FNDC3B: variants seen among roughly 807,000 people sequenced by gnomAD.
FNDC3B encodes the protein fibronectin type III domain containing 3B.
Under a neutral mutation model 151.5 loss-of-function variants are expected in FNDC3B, and 12 were observed. The observed-to-expected ratio is 0.08, with a 90% CI of 0.05 to 0.13. The LOEUF (loss-of-function observed/expected upper bound fraction) is 0.13, where lower values mean the gene tolerates loss of function less well. Among genes scored for constraint, FNDC3B ranks in the 10% least tolerant of loss-of-function variants. The pLI is 1.00. For missense variants in FNDC3B, 1,214 were observed against 1,505.3 expected (o/e 0.81, Z 3.20); for synonymous variants, 528 against 549.0 (o/e 0.96, Z 0.54).
chr3:172,183,600 G>A (rs1380892670), intron 3 of FNDC3B, among the ~76,000 whole-genome samples: 3 of 152,178 alleles, frequency 2.0e-5, no homozygotes, highest in Admixed American at 1.3e-4. Flanking sequence ...TCAGTCTTCT[G>A]AGACATTTCA....
chr3:172,224,853 A>T (rs1329371660), intron 3 of FNDC3B, among the ~76,000 whole-genome samples: 2 of 152,216 alleles, frequency 1.3e-5, no homozygotes, highest in Non-Finnish European at 1.5e-5. Flanking sequence ...AGAAACACAT[A>T]GTTTTCTATT....
rs185537382 is a variant in FNDC3B at position 172,245,794 on chromosome 3, T to C, written c.265-1739T>C. Among the ~76,000 whole-genome samples, 18 of 152,324 alleles carry C rather than the reference T, an allele frequency of 1.2e-4. 1 individual carries two copies. The East Asian group carries it at 1.7e-3, about 15-fold the overall frequency. On this transcript the variant is annotated intron_variant, in intron 4 of 25. Coordinates refer to ENST00000415807, the MANE Select transcript of FNDC3B (RefSeq NM_022763.4). ...CAGAAGAGATTATATTTATTAAAGA[T>C]CACATGAAAAGCTGTGTCCTAGGCA... is the stretch of plus-strand genomic sequence containing the variant.
At chr3:172,078,044 A>T (rs1332616638) in intron 1 of FNDC3B, among the ~76,000 whole-genome samples, 1 of 152,036 alleles carries the variant, frequency 6.6e-6, no homozygotes, top group African/African-American at 2.4e-5. Flanking sequence ...TGTAGGGGCC[A>T]ATCTCTGCTC....
chr3:172,127,013 T>C (rs1358557198), intron 2 of FNDC3B: 1 of 456,666 alleles, frequency 2.2e-6, no homozygotes, highest in South Asian at 1.5e-5. Context: ...AGGTGAGCCC[T>C]TAAGGAGAGC....
At chr3:172,210,968 TG>T (rs1576801494) in intron 3 of FNDC3B, among the ~76,000 whole-genome samples, 2 of 152,238 alleles carry the variant, frequency 1.3e-5, no homozygotes, top group Admixed American at 1.3e-4. Context: ...TTGCAAAAGT[TG>T]GGATTGAAAA....
intron 1 of FNDC3B, among the ~76,000 whole-genome samples, chr3:172,064,394 C>A (rs996410070): frequency 2.6e-5 from 4 of 152,080 alleles, no homozygotes; most frequent in Non-Finnish European, 5.9e-5. Flanking sequence ...CCCATAATGA[C>A]CCGTTTTATA....
chr3:172,313,152 C>T (rs1210597064), intron 11 of FNDC3B, among the ~76,000 whole-genome samples: 1 of 149,512 alleles, frequency 6.7e-6, no homozygotes, highest in African/African-American at 2.6e-5. Context: ...TTAATCGACT[C>T]TCATCCACCA....
Position 172,337,600 on chromosome 3 carries a change from A to T in FNDC3B, c.1852+199A>T, listed in dbSNP as rs183021893. On this transcript the variant is annotated intron_variant, in intron 16 of 25. Coordinates refer to ENST00000415807, the MANE Select transcript of FNDC3B (RefSeq NM_022763.4). ...AGAGATCAGAGTCTACTTGAAACTT[A>T]CATTTGTGTTATTTAACAATTTTTC... is the stretch of plus-strand genomic sequence containing the variant. 3.4e-4 allele frequency: 163 copies of T among 484,936 alleles called. No individual in the cohort carries two copies. The East Asian group carries it at 5.3e-3, about 16-fold the overall frequency. The allele number at this position is 484,936 out of a possible 1,614,324, so 30.0% of individuals were successfully genotyped here.
intron 2 of FNDC3B, among the ~76,000 whole-genome samples, chr3:172,127,501 A>G (rs186280521): frequency 1.3e-5 from 2 of 152,250 alleles, no homozygotes; most frequent in Non-Finnish European, 2.9e-5. Flanking sequence ...TCTAGTTACT[A>G]TCTACCTGGC....
At chr3:172,162,572 A>G (rs1431585877) in intron 3 of FNDC3B, among the ~76,000 whole-genome samples, 1 of 152,130 alleles carries the variant, frequency 6.6e-6, no homozygotes, top group East Asian at 1.9e-4. Flanking sequence ...ACTGTTTCCA[A>G]AGCAGCTGTA....
chr3:172,133,400 T>G, intron 2 of FNDC3B, 71 bp from the exon 3 acceptor site: 1 of 1,171,560 alleles, frequency 8.5e-7, no homozygotes, highest in Admixed American at 1.9e-5. Flanking sequence ...AGTATATAAA[T>G]TTAGGTAATA....
At chr3:172,226,745 C>T (rs1726603562) in intron 3 of FNDC3B, 126 bp from the exon 4 acceptor site, 2 of 604,976 alleles carry the variant, frequency 3.3e-6, no homozygotes, top group African/African-American at 1.8e-5. Context: ...CAATATATAC[C>T]AACTTTTGAA....
chr3:172,374,168 A>T (rs1282444709), intron 23 of FNDC3B, among the ~76,000 whole-genome samples: 1 of 152,312 alleles, frequency 6.6e-6, no homozygotes, highest in East Asian at 1.9e-4. Context: ...CCCACAGCTC[A>T]TGTCTGAGGC....
intron 25 of FNDC3B, among the ~76,000 whole-genome samples, chr3:172,389,825 C>T (rs1326981054): frequency 1.3e-5 from 2 of 152,128 alleles, no homozygotes; most frequent in Non-Finnish European, 2.9e-5. Flanking sequence ...AAGATCAAGC[C>T]ACTGCACTCC....
chr3:172,054,972 G>T (rs1457297466), intron 1 of FNDC3B, among the ~76,000 whole-genome samples: 1 of 152,214 alleles, frequency 6.6e-6, no homozygotes. Context: ...AGGAGGAATA[G>T]ATTGTAATTT....
At chr3:172,193,693 T>C (rs1213445719) in intron 3 of FNDC3B, among the ~76,000 whole-genome samples, 1 of 151,920 alleles carries the variant, frequency 6.6e-6, no homozygotes, top group South Asian at 2.1e-4. Flanking sequence ...TCCTCCTCCT[T>C]GTGCTTGTAC....
At chr3:172,089,521 T>C (rs1397907010) in intron 1 of FNDC3B, among the ~76,000 whole-genome samples, 3 of 152,172 alleles carry the variant, frequency 2.0e-5, no homozygotes, top group African/African-American at 4.8e-5. Context: ...ACACATACCA[T>C]GCACAAATCG....
At chr3:172,231,031 T>C (rs1726862448) in intron 4 of FNDC3B, among the ~76,000 whole-genome samples, 1 of 152,218 alleles carries the variant, frequency 6.6e-6, no homozygotes, top group Non-Finnish European at 1.5e-5. Context: ...TTATTCATAA[T>C]AGCCCCAAAG....
chr3:172,131,736 T>C (rs1350887299), intron 2 of FNDC3B, among the ~76,000 whole-genome samples: 2 of 152,174 alleles, frequency 1.3e-5, no homozygotes, highest in East Asian at 1.9e-4. Flanking sequence ...ATATTAAAGA[T>C]TGAGTATTTA....
Sources: gnomAD v4.1 joint callset for allele counts (sites outside exome capture counted in the v4.1 genomes callset) on GRCh38, gnomAD v4.1.1 for gene constraint, MANE v1.5 for transcripts, NCBI Gene and HGNC (gene_info 2026-07-23, HGNC 2026-07-21) for gene names.